Variants in AGBL4 observed in about 807,000 individuals in gnomAD.
AGBL4 encodes AGBL carboxypeptidase 4, also known as cytosolic carboxypeptidase 6.
In AGBL4, 58 loss-of-function variants were observed where a neutral mutation model predicts 66.4. The ratio of observed to expected loss-of-function variants is 0.87; its 90% CI spans 0.71 to 1.09. The LOEUF (loss-of-function observed/expected upper bound fraction) is 1.09. Ranked by LOEUF, AGBL4 falls within the 50% of genes least tolerant of loss-of-function variation. AGBL4 has a pLI of 0.00. For synonymous variants in AGBL4, 234 were observed against 222.9 expected (o/e 1.05, Z -0.44); for missense variants, 579 against 631.0 (o/e 0.92, Z 0.88).
rs373393378 is a variant in AGBL4, at chr1:49,551,907, C to T, written c.282+145406G>A. Among the ~76,000 whole-genome samples, 237 of 152,236 alleles carry T rather than the reference C, an allele frequency of 1.6e-3. 1 individual carries two copies. Among genetic ancestry groups the T allele is most frequent in the African/African-American group, 4.9e-3 (202 of 41,530 alleles). On this transcript the variant is annotated intron_variant, in intron 3 of 13. Coordinates refer to ENST00000371839, the MANE Select transcript of AGBL4 (RefSeq NM_032785.4). ...AGTTACCAGGTGGGGCAGGAAAGGA[C>T]CATCAGGTGGAGGCACAGCTAGGTG...
intron 8 of AGBL4, among the ~76,000 whole-genome samples, chr1:48,649,355 C>T (rs1342598380): frequency 6.6e-6 from 1 of 152,170 alleles, no homozygotes; most frequent in Non-Finnish European, 1.5e-5. Context: ...AACTGAGGTG[C>T]AGTAAGTAAG....
intron 6 of AGBL4, among the ~76,000 whole-genome samples, chr1:48,828,043 C>A (rs903845015): frequency 1.5e-5 from 2 of 137,106 alleles, no homozygotes; most frequent in African/African-American, 5.5e-5. Flanking sequence ...CACACACACA[C>A]AAATTAGCCG....
intron 3 of AGBL4, among the ~76,000 whole-genome samples, chr1:49,344,718 G>T (rs1645605536): frequency 6.6e-6 from 1 of 152,112 alleles, no homozygotes; most frequent in Non-Finnish European, 1.5e-5. Flanking sequence ...AGATAGATTT[G>T]TCTGTAAGGT....
chr1:49,460,551 T>C (rs1347275516), intron 3 of AGBL4, among the ~76,000 whole-genome samples: 2 of 151,746 alleles, frequency 1.3e-5, no homozygotes, highest in East Asian at 1.9e-4. Context: ...TTTGCCATTT[T>C]GTATTGGCAT....
At position 49,934,880 on chromosome 1, in the gene AGBL4, G is replaced by A. The variant is rs796244823; in HGVS notation, c.35-83362C>T. 5.3e-5 allele frequency among the ~76,000 whole-genome samples: 8 copies of A among 151,476 alleles called. No homozygotes were observed. The South Asian group carries it at 6.3e-4, about 12-fold the overall frequency. ...AAGATGGCCGAATAGGAACAGCTCC[G>A]ATCTACAGCTCCCAACGTGAGCGAT... On this transcript the variant is annotated intron_variant, in intron 1 of 13. Transcript: ENST00000371839.
At chr1:49,884,240 T>C (rs1294889325) in intron 1 of AGBL4, among the ~76,000 whole-genome samples, 1 of 151,952 alleles carries the variant, frequency 6.6e-6, no homozygotes, top group Non-Finnish European at 1.5e-5. Flanking sequence ...CAGTATAACA[T>C]ACTTTGTTAA....
At chr1:48,977,662 C>T (rs1029785580) in intron 5 of AGBL4, among the ~76,000 whole-genome samples, 1 of 152,038 alleles carries the variant, frequency 6.6e-6, no homozygotes, top group Non-Finnish European at 1.5e-5. Flanking sequence ...CTAAGGCTAC[C>T]ACTGGTCATT....
intron 3 of AGBL4, among the ~76,000 whole-genome samples, chr1:49,308,450 A>G (rs528303179): frequency 2.0e-5 from 3 of 152,244 alleles, no homozygotes; most frequent in South Asian, 4.1e-4. Flanking sequence ...TGCAAGGAAA[A>G]GTATGCTGTC....
intron 3 of AGBL4, among the ~76,000 whole-genome samples, chr1:49,328,489 A>G (rs1401061141): frequency 2.0e-5 from 3 of 151,916 alleles, no homozygotes; most frequent in African/African-American, 7.3e-5. Context: ...ACTTTTATTA[A>G]TGGGGTCTAG....
chr1:49,487,532 T>C (rs1647094206), intron 3 of AGBL4, among the ~76,000 whole-genome samples: 1 of 151,882 alleles, frequency 6.6e-6, no homozygotes, highest in South Asian at 2.1e-4. Context: ...GTTTTATATG[T>C]GTCTGGCATT....
At chr1:48,698,139 T>C (rs1223848407) in intron 6 of AGBL4, among the ~76,000 whole-genome samples, 2 of 152,192 alleles carry the variant, frequency 1.3e-5, no homozygotes, top group African/African-American at 4.8e-5. Context: ...TCTGCCTCCA[T>C]ACACACAGCT....
At chr1:49,525,409 A>T (rs1650580160) in intron 3 of AGBL4, among the ~76,000 whole-genome samples, 1 of 152,020 alleles carries the variant, frequency 6.6e-6, no homozygotes, top group Non-Finnish European at 1.5e-5. Flanking sequence ...AGGTAGGGGG[A>T]GTGCCTTTCT....
intron 3 of AGBL4, among the ~76,000 whole-genome samples, chr1:49,361,588 A>C (rs1644136185): frequency 1.3e-5 from 2 of 152,226 alleles, no homozygotes; most frequent in Admixed American, 6.5e-5. Flanking sequence ...GGCCTCCCAA[A>C]GTGCTGGCAT....
rs1644718716 is a variant in AGBL4, at chr1:48,580,216, GAC to G, written c.1267+6786_1267+6787del. Among the ~76,000 whole-genome samples the G allele has an allele frequency of 9.9e-5, 15 of 152,214 alleles. No homozygotes were observed. In the South Asian group the frequency reaches 3.1e-3, roughly 32 times the overall value. ...GAACCATAAGCAACTGAACTGAGCAGACACATCTGCTCACATCAACAGAGCTC... is the reference window on the plus strand; with the variant it reads ...GAACCATAAGCAACTGAACTGAGCAGACATCTGCTCACATCAACAGAGCTC... On this transcript the variant is annotated intron_variant, in intron 11 of 13. Transcript: ENST00000371839.
intron 4 of AGBL4, among the ~76,000 whole-genome samples, chr1:49,100,401 G>T (rs1406732679): frequency 1.3e-5 from 2 of 152,178 alleles, no homozygotes; most frequent in Non-Finnish European, 2.9e-5. Flanking sequence ...ACAGCTGAAG[G>T]CTGTCTGCCG....
chr1:48,879,543 T>A (rs1445257418), intron 5 of AGBL4, among the ~76,000 whole-genome samples: 1 of 151,988 alleles, frequency 6.6e-6, no homozygotes, highest in Non-Finnish European at 1.5e-5. Context: ...CTAACTTTCC[T>A]AACATATTTT....
At chr1:49,942,012 A>C (rs1356402628) in intron 1 of AGBL4, among the ~76,000 whole-genome samples, 1 of 152,164 alleles carries the variant, frequency 6.6e-6, no homozygotes, top group East Asian at 1.9e-4. Context: ...TAATTAAGTA[A>C]AATGTTAAAA....
At chr1:49,509,680 G>C (rs993297173) in intron 3 of AGBL4, among the ~76,000 whole-genome samples, 1 of 151,888 alleles carries the variant, frequency 6.6e-6, no homozygotes, top group African/African-American at 2.4e-5. Flanking sequence ...ATGTTTAAGA[G>C]CTTAGAATTC....
chr1:49,296,862 G>GATTCTAGAAAA (rs1644653396), intron 3 of AGBL4, among the ~76,000 whole-genome samples: 1 of 152,230 alleles, frequency 6.6e-6, no homozygotes, highest in African/African-American at 2.4e-5. Flanking sequence ...ATGCAGTGAA[G>GATTCTAGAAAA]ATTCTAGAAA....
Sources: gnomAD v4.1 joint callset for allele counts (sites outside exome capture counted in the v4.1 genomes callset) on GRCh38, gnomAD v4.1.1 for gene constraint, MANE v1.5 for transcripts, NCBI Gene and HGNC (gene_info 2026-07-23, HGNC 2026-07-21) for gene names.